DPY19L4: variants seen among roughly 807,000 people sequenced by gnomAD.
DPY19L4 encodes the protein dpy-19 like 4.
In DPY19L4, 97 loss-of-function variants were observed where a neutral mutation model predicts 102.8. That is an observed-to-expected ratio of 0.94 (90% confidence interval 0.80 to 1.12). DPY19L4 has a LOEUF of 1.12. DPY19L4 is among the 50% of genes most tolerant of loss of function. The probability of loss-of-function intolerance (pLI) is 0.00; values close to 1 mark genes in which losing one functional copy is unlikely to be tolerated. For missense variants in DPY19L4, 815 were observed against 850.4 expected (o/e 0.96, Z 0.52); for synonymous variants, 252 against 283.1 (o/e 0.89, Z 1.10).
chr8:94,751,414 G>A (rs1015892065), intron 6 of DPY19L4, among the ~76,000 whole-genome samples: 3 of 150,736 alleles, frequency 2.0e-5, no homozygotes, highest in Middle Eastern at 3.4e-3. Flanking sequence ...CACCACGCCC[G>A]GGACCTCCCT....
In DPY19L4 at chr8:94,738,375, G is replaced by T; in HGVS notation, c.259G>T (p.Glu87Ter). The change falls in exon 4 of 19, where the codon GAA (glutamate) becomes TAA (stop). Residue 87 changes from glutamate (E) to a stop codon, truncating the protein, a stop_gained. Coordinates refer to ENST00000414645, the MANE Select transcript of DPY19L4 (RefSeq NM_181787.3). LOFTEE classifies it high-confidence loss of function. ...KFWFSNRQEL[E>*]REITFQGDSA... ...TAATTTCATTTTCTTTTAGGAGCTT[G>T]AACGGGAAATCACGTTTCAGGGTGA... is the stretch of plus-strand genomic sequence containing the variant. 1 of 1,512,072 alleles carries T rather than the reference G, an allele frequency of 6.6e-7. No homozygotes were observed. The allele number at this position is 1,512,072 out of a possible 1,614,324, so 93.7% of individuals were successfully genotyped here. A position where few individuals can be genotyped will look rare whatever the true frequency, so the allele number is the denominator to read the frequency against.
At chr8:94,741,544 ATTAAT>A (rs1254636016) in intron 6 of DPY19L4, among the ~76,000 whole-genome samples, 4 of 152,178 alleles carry the variant, frequency 2.6e-5, no homozygotes, top group Admixed American at 6.5e-5. Flanking sequence ...TAAATAAGAG[ATTAAT>A]TTAATAGCTT....
Position 94,719,912 on chromosome 8 carries a change from C to T in DPY19L4, c.-87C>T, listed in dbSNP as rs912987919. On this transcript the variant is annotated 5_prime_UTR_variant, in exon 1 of 19. Transcript: ENST00000414645. ...GGGCGCGGCGGCCAGGAGCGGGCCC[C>T]CGGAGGCCGAGGGGTTCGGCGACGC... 1.4e-6 allele frequency: 2 copies of T among 1,413,228 alleles called. No homozygotes were observed. Among genetic ancestry groups the T allele is most frequent in the Non-Finnish European group, 1.9e-6 (2 of 1,076,134 alleles). The allele number at this position is 1,413,228 out of a possible 1,614,324, so 87.5% of individuals were successfully genotyped here. A position where few individuals can be genotyped will look rare whatever the true frequency, so the allele number is the denominator to read the frequency against.
intron 6 of DPY19L4, among the ~76,000 whole-genome samples, chr8:94,753,657 G>GGT (rs1812041000): frequency 6.6e-6 from 1 of 152,248 alleles, no homozygotes; most frequent in Middle Eastern, 3.4e-3. Context: ...TGGATCACGA[G>GGT]GTCAGGAGTT....
intron 6 of DPY19L4, among the ~76,000 whole-genome samples, chr8:94,750,972 G>A (rs1306775588): frequency 2.0e-5 from 3 of 151,458 alleles, no homozygotes; most frequent in African/African-American, 4.8e-5. Flanking sequence ...GTAGAGACTG[G>A]GTTTCACCAT....
intron 18 of DPY19L4, among the ~76,000 whole-genome samples, chr8:94,788,641 ACGCGCG>A (rs10601540): frequency 3.1e-4 from 36 of 115,552 alleles, no homozygotes; most frequent in Admixed American, 6.9e-4. Flanking sequence ...AGACTGACGC[ACGCGCG>A]CGCGCATGTG....
At position 94,767,408 on chromosome 8, in the gene DPY19L4, C is replaced by T. The variant is rs927364876; in HGVS notation, c.1175+723C>T. Among the ~76,000 whole-genome samples, 13 of 151,874 alleles carry T rather than the reference C, an allele frequency of 8.6e-5. 1 individual carries two copies. Among genetic ancestry groups the T allele is most frequent in the Non-Finnish European group, 1.6e-4 (11 of 67,990 alleles). On this transcript the variant is annotated intron_variant, in intron 11 of 18. Coordinates refer to ENST00000414645, the MANE Select transcript of DPY19L4 (RefSeq NM_181787.3). Reference sequence around the variant, plus strand: ...TCCTGGGTTCATGCTATTCTCCTGCCTCAGCCCCCCGAGTAGCTGGGACTA... The same window carrying T: ...TCCTGGGTTCATGCTATTCTCCTGCTTCAGCCCCCCGAGTAGCTGGGACTA...
At chr8:94,782,093 G>A (rs1471526845) in intron 16 of DPY19L4, among the ~76,000 whole-genome samples, 4 of 152,174 alleles carry the variant, frequency 2.6e-5, no homozygotes, top group South Asian at 2.1e-4. Flanking sequence ...GTCATTTAGG[G>A]TTTGCTACAT....
chr8:94,781,088 T>C lies in DPY19L4; in HGVS notation c.1637T>C (p.Phe546Ser). Reference protein sequence around the residue: ...IIGLSLWKEFFPRLMTELMEL... With the variant: ...IIGLSLWKEFSPRLMTELMEL... Reference sequence around the variant, plus strand: ...TTTTTTTTTTTTGCATTTTAGTTTTTTCCCAGATTAATGACAGAATTAATG... The same window carrying C: ...TTTTTTTTTTTTGCATTTTAGTTTTCTCCCAGATTAATGACAGAATTAATG... Residue 546 changes from phenylalanine (F) to serine (S), a missense_variant, in exon 16 of 19, where the codon TTT becomes TCT. By Grantham distance (155) the Phe-to-Ser change is radical (BLOSUM62 -2). Coordinates refer to ENST00000414645, the MANE Select transcript of DPY19L4 (RefSeq NM_181787.3). 2 of 1,581,490 alleles carry C rather than the reference T, an allele frequency of 1.3e-6. No homozygotes were observed. Among genetic ancestry groups the C allele is most frequent in the Non-Finnish European group, 8.5e-7 (1 of 1,172,066 alleles).
At chr8:94,758,694 G>C (rs1181189331) in intron 7 of DPY19L4, among the ~76,000 whole-genome samples, 5 of 151,844 alleles carry the variant, frequency 3.3e-5, no homozygotes, top group Non-Finnish European at 1.5e-5. Flanking sequence ...TACTGTATGT[G>C]AATACTTTGC....
Position 94,726,230 on chromosome 8 carries a change from T to C in DPY19L4, c.17-101T>C, listed in dbSNP as rs1402008967. The C allele has an allele frequency of 1.7e-5, 14 of 828,512 alleles. No individual in the cohort carries two copies. The South Asian group carries it at 2.8e-4, about 17-fold the overall frequency. 51.3% of individuals were successfully genotyped at this position (828,512 alleles called of 1,614,324 possible). A position where few individuals can be genotyped will look rare whatever the true frequency, so the allele number is the denominator to read the frequency against. ...GGTTATCTTTGATACTAATAGGTCT[T>C]AGTGGTACTTTTGCTTTAGAATAAT... On this transcript the variant is annotated intron_variant, in intron 1 of 18. Coordinates refer to ENST00000414645, the MANE Select transcript of DPY19L4 (RefSeq NM_181787.3).
intron 18 of DPY19L4, among the ~76,000 whole-genome samples, chr8:94,789,174 A>G (rs1000520456): frequency 7.2e-5 from 11 of 152,112 alleles, no homozygotes; most frequent in African/African-American, 2.7e-4. Context: ...TTCTCCTTTC[A>G]TGTCATGCCT....
chr8:94,780,385 TACTATA>T lies in DPY19L4; in HGVS notation c.1604_1609del (p.Thr535_Ile536del), dbSNP rs768552527. ...CTCTTATTCTGAGCATGGCCGTGCC[TACTATA>T]ATAGGTCTCAGCTTATGGAAAGAGG... On this transcript the variant is annotated inframe_deletion, in exon 15 of 19. Coordinates refer to ENST00000414645, the MANE Select transcript of DPY19L4 (RefSeq NM_181787.3). 2.4e-5 allele frequency: 36 copies of T among 1,491,712 alleles called. No individual in the cohort carries two copies. The East Asian group carries it at 7.2e-4, about 30-fold the overall frequency. 92.4% of individuals were successfully genotyped at this position (1,491,712 alleles called of 1,614,324 possible).
At chr8:94,784,149 A>G (rs1054610131) in intron 17 of DPY19L4, among the ~76,000 whole-genome samples, 26 of 152,254 alleles carry the variant, frequency 1.7e-4, no homozygotes, top group Admixed American at 5.2e-4. Flanking sequence ...TCCTGGGTTC[A>G]AGCGATTCTC....
rs1813813062 is a variant in DPY19L4, at chr8:94,789,732, A to G, written c.2008-14A>G. ...AATAAGCTTTTTAATATTATGTTTT[A>G]TATCTTTTAATAGATGGTTTGTGAA... On this transcript the variant is annotated splice_polypyrimidine_tract_variant and intron_variant, in intron 18 of 18. Coordinates refer to ENST00000414645, the MANE Select transcript of DPY19L4 (RefSeq NM_181787.3). The G allele has an allele frequency of 4.4e-6, 7 of 1,575,524 alleles. No homozygotes were observed. The highest frequency in any genetic ancestry group is 1.4e-5 in the African/African-American group (1 of 72,900).
chr8:94,765,914 C>A, intron 10 of DPY19L4, 105 bp downstream of exon 10: 2 of 720,596 alleles, frequency 2.8e-6, no homozygotes, highest in Non-Finnish European at 4.5e-6. Flanking sequence ...AGAGTTTGAA[C>A]AGTATAATTT....
In DPY19L4 at chr8:94,719,945, G is replaced by C. The variant is rs1046709489; in HGVS notation, c.-54G>C. 4.0e-6 allele frequency: 6 copies of C among 1,484,666 alleles called. No individual in the cohort carries two copies. Among genetic ancestry groups the C allele is most frequent in the Admixed American group, 4.7e-5 (2 of 42,348 alleles). 92.0% of individuals were successfully genotyped at this position (1,484,666 alleles called of 1,614,324 possible). A position where few individuals can be genotyped will look rare whatever the true frequency, so the allele number is the denominator to read the frequency against. The stretch of plus-strand genomic sequence containing the variant: ...CGAGGGGTTCGGCGACGCGGAGGGA[G>C]GGAGAGTCTGGGCCGCGCGGGAGCC... On this transcript the variant is annotated 5_prime_UTR_variant, in exon 1 of 19. Coordinates refer to ENST00000414645, the MANE Select transcript of DPY19L4 (RefSeq NM_181787.3).
At chr8:94,789,634 A>G (rs1813807939) in intron 18 of DPY19L4, 112 bp from the exon 19 acceptor site, 2 of 960,590 alleles carry the variant, frequency 2.1e-6, no homozygotes, top group Admixed American at 2.9e-5. Context: ...TTTATAGACA[A>G]TGTTTAGCAA....
In DPY19L4 at chr8:94,770,492, C is replaced by A; in HGVS notation, c.1375C>A (p.Arg459=). 1 of 1,613,500 alleles carries A rather than the reference C, an allele frequency of 6.2e-7. No individual in the cohort carries two copies. The highest frequency in any genetic ancestry group is 8.5e-7 in the Non-Finnish European group (1 of 1,179,748). ...LKETVTLEDG[R]IGERPEIIYH... Reference sequence around the variant, plus strand: ...GGAAACTGTTACTCTTGAAGATGGACGAATTGGAGAAAGACCAGAAATAAT... The same window carrying A: ...GGAAACTGTTACTCTTGAAGATGGAAGAATTGGAGAAAGACCAGAAATAAT... The change falls in exon 13 of 19, where the codon CGA becomes AGA. Residue 459 remains arginine (R), a synonymous_variant. Transcript: ENST00000414645.
Sources: gnomAD v4.1 joint callset for allele counts (sites outside exome capture counted in the v4.1 genomes callset) on GRCh38, gnomAD v4.1.1 for gene constraint, MANE v1.5 for transcripts, NCBI Gene and HGNC (gene_info 2026-07-23, HGNC 2026-07-21) for gene names.